Variants in TMEM229B observed in about 807,000 individuals in gnomAD.
TMEM229B encodes the protein transmembrane protein 229B.
Under a neutral mutation model 13.7 loss-of-function variants are expected in TMEM229B, and 6 were observed. The observed-to-expected ratio is 0.44, with a 90% CI of 0.24 to 0.86. The LOEUF is 0.86. Ranked by LOEUF, TMEM229B falls within the 40% of genes least tolerant of loss-of-function variation. TMEM229B has a pLI of 0.23. For missense variants in TMEM229B, 170 were observed against 236.0 expected (o/e 0.72, Z 1.83); for synonymous variants, 107 against 102.1 (o/e 1.05, Z -0.29).
At chr14:67,487,298 C>T (rs191243524) in intron 1 of TMEM229B, 126 bp from the exon 2 acceptor site, 2 of 152,590 alleles carry the variant, frequency 1.3e-5, no homozygotes, top group East Asian at 3.9e-4. Flanking sequence ...ACCAGGGCCC[C>T]TTCCCGGAAC....
chr14:67,506,617 C>T (rs533399326), intron 1 of TMEM229B, among the ~76,000 whole-genome samples: 1 of 152,276 alleles, frequency 6.6e-6, no homozygotes, highest in African/African-American at 2.4e-5. Context: ...TCAGTGGGAA[C>T]TCATTTGCTC....
chr14:67,516,294 C>G (rs1458425529), upstream of TMEM229B, among the ~76,000 whole-genome samples: 2 of 152,148 alleles, frequency 1.3e-5, no homozygotes, highest in South Asian at 4.1e-4. Context: ...CCTTTTGTCA[C>G]TAACCCATCC....
At position 67,532,083 on chromosome 14, in the gene TMEM229B, G is replaced by C. The variant is rs187384756; in HGVS notation, c.-192+1553C>G. 7.2e-4 allele frequency among the ~76,000 whole-genome samples: 109 copies of C among 152,264 alleles called. 1 individual carries two copies. In the Middle Eastern group the frequency reaches 0.01, roughly 14 times the overall value. On this transcript the variant is annotated intron_variant, in intron 1 of 2. Coordinates refer to the TMEM229B transcript ENST00000554278. ...CCCAATCCCCACGAGCTATAAAGCT[G>C]TTTGCAAGTTCAGCCATTGAAGTCC...
chr14:67,488,600 C>T lies in TMEM229B; in HGVS notation c.-284G>A, dbSNP rs2032018322. The T allele has an allele frequency of 6.6e-6, 1 of 152,338 alleles. No homozygotes were observed. Among genetic ancestry groups the T allele is most frequent in the Non-Finnish European group, 1.5e-5 (1 of 68,096 alleles). 9.4% of individuals were successfully genotyped at this position (152,338 alleles called of 1,614,324 possible). ...AAGGTTTTAACGGAGCATGTCCGAA[C>T]CCTCTGGGACTCTCTCTCCACCAGC... On this transcript the variant is annotated 5_prime_UTR_variant, in exon 1 of 3. Transcript: ENST00000554480.
At chr14:67,530,111 GCT>G (rs1475082726) in intron 1 of TMEM229B, among the ~76,000 whole-genome samples, 1 of 152,178 alleles carries the variant, frequency 6.6e-6, no homozygotes, top group Non-Finnish European at 1.5e-5. Context: ...CAAGCCATCT[GCT>G]TATCCATTGC....
chr14:67,484,932 G>C (rs2031787946), intron 2 of TMEM229B, among the ~76,000 whole-genome samples: 1 of 152,032 alleles, frequency 6.6e-6, no homozygotes, highest in South Asian at 2.1e-4. Context: ...TATAGCCTCT[G>C]TGCTCATTAT....
intron 1 of TMEM229B, among the ~76,000 whole-genome samples, chr14:67,532,312 T>C (rs1025674377): frequency 2.0e-5 from 3 of 152,218 alleles, no homozygotes; most frequent in Non-Finnish European, 4.4e-5. Context: ...GATGGTATTT[T>C]GCTTCTGTTC....
intron 1 of TMEM229B, among the ~76,000 whole-genome samples, chr14:67,526,649 T>C (rs2033371849): frequency 6.6e-6 from 1 of 152,132 alleles, no homozygotes; most frequent in Non-Finnish European, 1.5e-5. Context: ...CATTTAGAGG[T>C]GACCAAAGCA....
intron 2 of TMEM229B, among the ~76,000 whole-genome samples, chr14:67,482,802 C>T (rs2031661106): frequency 6.6e-6 from 1 of 152,182 alleles, no homozygotes; most frequent in Non-Finnish European, 1.5e-5. Context: ...TGCAGACTTC[C>T]ACCCTCTTGC....
upstream of TMEM229B, among the ~76,000 whole-genome samples, chr14:67,519,981 C>G (rs569858848): frequency 6.6e-6 from 1 of 152,290 alleles, no homozygotes; most frequent in South Asian, 2.1e-4. Context: ...CCTCGGCCCC[C>G]CAAAGTGCTG....
chr14:67,526,495 T>C (rs1056464379), intron 1 of TMEM229B, among the ~76,000 whole-genome samples: 1 of 152,242 alleles, frequency 6.6e-6, no homozygotes, highest in Non-Finnish European at 1.5e-5. Flanking sequence ...AAGGGGAGAA[T>C]ATTCTTTCCA....
chr14:67,509,946 G>C (rs2032971360), intron 1 of TMEM229B, among the ~76,000 whole-genome samples: 2 of 152,116 alleles, frequency 1.3e-5, no homozygotes, highest in African/African-American at 2.4e-5. Context: ...GGAGTTCAAG[G>C]CTGCAGTGAG....
chr14:67,473,420 TCA>T lies in TMEM229B; in HGVS notation c.502_503del (p.Ter168SerfsTer41). On this transcript the variant is annotated frameshift_variant and stop_lost, in exon 3 of 3. Coordinates refer to ENST00000554480, the MANE Select transcript of TMEM229B (RefSeq NM_001348543.2). LOFTEE classifies it high-confidence loss of function. The surrounding 1 kb of genome is among the most constrained non-coding windows in gnomAD (Gnocchi z 6.5). ...ALANGHVKTD* is the reference protein window; with the variant it reads ...ALANGHVKTDX ...CCCAGGCCCCCCACCCGCTTCCTGC[TCA>T]GTCAGTCTTGACATGGCCGTTGGCC... 1 of 1,612,888 alleles carries T rather than the reference TCA, an allele frequency of 6.2e-7. No homozygotes were observed.
At chr14:67,477,351 G>T (rs184896301) in intron 2 of TMEM229B, among the ~76,000 whole-genome samples, 9 of 152,108 alleles carry the variant, frequency 5.9e-5, no homozygotes, top group Admixed American at 3.9e-4. Context: ...TCTGTTAGGC[G>T]TGCCTTTCTC....
chr14:67,506,674 C>A (rs2032838159), intron 1 of TMEM229B, among the ~76,000 whole-genome samples: 1 of 152,140 alleles, frequency 6.6e-6, no homozygotes, highest in Non-Finnish European at 1.5e-5. Context: ...ATGAAAGAAT[C>A]CAAGGGTCCT....
At chr14:67,513,816 C>T (rs1334003515) in intron 1 of TMEM229B, among the ~76,000 whole-genome samples, 2 of 152,182 alleles carry the variant, frequency 1.3e-5, no homozygotes, top group Non-Finnish European at 2.9e-5. Context: ...AAGGGCTATC[C>T]TGCCACAGGA....
At chr14:67,497,536 C>A (rs542780120) in intron 1 of TMEM229B, among the ~76,000 whole-genome samples, 1 of 152,240 alleles carries the variant, frequency 6.6e-6, no homozygotes, top group South Asian at 2.1e-4. Flanking sequence ...AGAACTCTCC[C>A]ACATGACTTT....
chr14:67,524,281 T>C (rs1269472047), intron 1 of TMEM229B, among the ~76,000 whole-genome samples: 1 of 152,138 alleles, frequency 6.6e-6, no homozygotes, highest in Non-Finnish European at 1.5e-5. Context: ...TCCAAACTCA[T>C]GTTCTAGGAA....
chr14:67,484,584 C>A (rs910032963), intron 2 of TMEM229B, among the ~76,000 whole-genome samples: 2 of 151,958 alleles, frequency 1.3e-5, no homozygotes, highest in Admixed American at 6.6e-5. Context: ...TGTAGTCATC[C>A]GGATTCAATT....
Sources: gnomAD v4.1 joint callset for allele counts (sites outside exome capture counted in the v4.1 genomes callset) on GRCh38, gnomAD v4.1.1 for gene constraint, Gnocchi (gnomAD v3.1) non-coding constraint, MANE v1.5 for transcripts, NCBI Gene and HGNC (gene_info 2026-07-23, HGNC 2026-07-21) for gene names.